The following CASZ1 variants were observed in gnomAD, a reference collection of about 807,000 sequenced individuals.
The protein encoded by CASZ1 is zinc finger protein castor homolog 1.
Under a neutral mutation model 135.2 loss-of-function variants are expected in CASZ1, and 28 were observed. The observed-to-expected ratio is 0.21, with a 90% CI of 0.15 to 0.28. The LOEUF (loss-of-function observed/expected upper bound fraction) is 0.28. Among genes scored for constraint, CASZ1 ranks in the 10% least tolerant of loss-of-function variants. The probability of loss-of-function intolerance (pLI) is 1.00; values close to 1 mark genes in which losing one functional copy is unlikely to be tolerated. For synonymous variants in CASZ1, 1,068 were observed against 1,073.4 expected (o/e 0.99, Z 0.10); for missense variants, 2,161 against 2,453.3 (o/e 0.88, Z 2.52).
At chr1:10,687,650 CT>C (rs759052154) in intron 4 of CASZ1, among the ~76,000 whole-genome samples, 4 of 152,198 alleles carry the variant, frequency 2.6e-5, no homozygotes, top group Non-Finnish European at 5.9e-5. Flanking sequence ...GTGGTGAGGT[CT>C]GCTCAGGAGG....
At position 10,755,217 on chromosome 1, in the gene CASZ1, C is replaced by T. The variant is rs763402311; in HGVS notation, c.-77+5484G>A. On this transcript the variant is annotated intron_variant, in intron 2 of 20. Transcript: ENST00000377022. This position sits in a 1 kb window ranked among gnomAD's most constrained non-coding sequence, Gnocchi z 4.3. ...CATGCCTCAGGGTGGTGGCTCTGGGCCTAAGGGCCTTCACCTGGACCAGGC... is the reference window on the plus strand; with the variant it reads ...CATGCCTCAGGGTGGTGGCTCTGGGTCTAAGGGCCTTCACCTGGACCAGGC... Among the ~76,000 whole-genome samples, 4 of 152,224 alleles carry T rather than the reference C, an allele frequency of 2.6e-5. No individual in the cohort carries two copies. Among genetic ancestry groups the T allele is most frequent in the Non-Finnish European group, 5.9e-5 (4 of 68,036 alleles).
In CASZ1 at chr1:10,659,088, C is replaced by T. The variant is rs1336596820; in HGVS notation, c.1341-512G>A. On this transcript the variant is annotated intron_variant, in intron 6 of 20. Coordinates refer to ENST00000377022, the MANE Select transcript of CASZ1 (RefSeq NM_001079843.3). ...CAGCCCCACACCATCCACTACTTGA[C>T]TACCCAGGCCGTTCCCCTGCCCATG... Among the ~76,000 whole-genome samples, 7 of 151,970 alleles carry T rather than the reference C, an allele frequency of 4.6e-5. No homozygotes were observed. The South Asian group carries it at 8.5e-4, about 18-fold the overall frequency.
Position 10,642,968 on chromosome 1 carries a change from A to C in CASZ1, c.4053T>G (p.Asp1351Glu). 6.2e-7 allele frequency: 1 copy of C among 1,613,066 alleles called. No individual in the cohort carries two copies. Reference protein sequence around the residue: ...GPPGLMDAETDECMDYTGCSP... With the variant: ...GPPGLMDAETEECMDYTGCSP... ...TGCAGCCAGTGTAGTCCATGCACTC[A>C]TCTGTCTCAGCATCCATCAGGCCTG... The change falls in exon 20 of 21, where the codon GAT becomes GAG. Residue 1351 changes from aspartate to glutamate, a missense_variant. This residue lies in a region of CASZ1 where 143 missense variants were observed against 128.3 expected (regional missense o/e 1.11). Coordinates refer to ENST00000377022, the MANE Select transcript of CASZ1 (RefSeq NM_001079843.3).
At chr1:10,684,820 G>A (rs190691988) in intron 4 of CASZ1, among the ~76,000 whole-genome samples, 33 of 152,344 alleles carry the variant, frequency 2.2e-4, no homozygotes, top group Admixed American at 1.3e-3. Flanking sequence ...GGCCTCTCAT[G>A]CCCGTGGAGG....
intron 4 of CASZ1, among the ~76,000 whole-genome samples, chr1:10,668,864 C>G (rs1396118711): frequency 6.6e-6 from 1 of 152,246 alleles, no homozygotes; most frequent in Admixed American, 6.5e-5. Context: ...GGCCACCAGG[C>G]AGATGTGGTG....
At chr1:10,791,947 A>G (rs890513027) in intron 1 of CASZ1, among the ~76,000 whole-genome samples, 1 of 152,106 alleles carries the variant, frequency 6.6e-6, no homozygotes, top group African/African-American at 2.4e-5. Flanking sequence ...CAAGGAGAAT[A>G]TGCAAACTCC....
chr1:10,749,646 C>A (rs1370350660), intron 2 of CASZ1, among the ~76,000 whole-genome samples: 1 of 152,100 alleles, frequency 6.6e-6, no homozygotes, highest in African/African-American at 2.4e-5. Context: ...AATACGGAGA[C>A]TCTTGTAGCA....
intron 2 of CASZ1, among the ~76,000 whole-genome samples, chr1:10,752,646 C>T (rs1640169631): frequency 1.3e-5 from 2 of 152,236 alleles, no homozygotes; most frequent in South Asian, 4.1e-4. Context: ...GAGGTCCCAG[C>T]TGCCCTGGAG....
At chr1:10,678,446 G>C (rs989058156) in intron 4 of CASZ1, among the ~76,000 whole-genome samples, 6 of 152,012 alleles carry the variant, frequency 3.9e-5, no homozygotes, top group Admixed American at 1.3e-4. Context: ...GTTCCAGAGT[G>C]GGGCAGAGCC....
rs146712403 is a variant in CASZ1 at position 10,756,030 on chromosome 1, G to A, written c.-77+4671C>T. Among the ~76,000 whole-genome samples, 651 of 152,182 alleles carry A rather than the reference G, an allele frequency of 4.3e-3. 2 individuals carry two copies. The highest frequency in any genetic ancestry group is 5.3e-3 in the Non-Finnish European group (357 of 67,992). ...CTCCCACGCGTGCACAGATGCACACGCCTCCCACCCGGACACACCCTCCCC... is the reference window on the plus strand; with the variant it reads ...CTCCCACGCGTGCACAGATGCACACACCTCCCACCCGGACACACCCTCCCC... On this transcript the variant is annotated intron_variant, in intron 2 of 20. Coordinates refer to ENST00000377022, the MANE Select transcript of CASZ1 (RefSeq NM_001079843.3). This position sits in a 1 kb window ranked among gnomAD's most constrained non-coding sequence, Gnocchi z 5.9.
At position 10,665,562 on chromosome 1, in the gene CASZ1, G is replaced by A. The variant is rs373231180; in HGVS notation, c.26C>T (p.Thr9Ile). The A allele has an allele frequency of 1.9e-6, 3 of 1,561,878 alleles. No homozygotes were observed. The highest frequency in any genetic ancestry group is 1.8e-4 in the Middle Eastern group (1 of 5,626). The change falls in exon 5 of 21, where the codon ACC (threonine) becomes ATC (isoleucine). Residue 9 changes from threonine to isoleucine, a missense_variant. This residue lies in a region of CASZ1 where 590 missense variants were observed against 609.8 expected (regional missense o/e 0.97). Coordinates refer to ENST00000377022, the MANE Select transcript of CASZ1 (RefSeq NM_001079843.3). The part of the protein sequence containing the change: MDLGTAEG[T>I]RCTDPPAGKP... ...GCCTGCAGGCGGGTCCGTGCACCGG[G>A]TGCCCTCAGCTGCAGGGATGGAGGA...
intron 1 of CASZ1, among the ~76,000 whole-genome samples, chr1:10,773,439 T>C (rs1463316302): frequency 6.6e-6 from 1 of 151,260 alleles, no homozygotes; most frequent in African/African-American, 2.4e-5. Flanking sequence ...AGGGATTGGA[T>C]GGGTGGCAGC....
At chr1:10,743,394 T>TG (rs1231278209) in intron 2 of CASZ1, among the ~76,000 whole-genome samples, 5 of 141,718 alleles carry the variant, frequency 3.5e-5, no homozygotes, top group Non-Finnish European at 3.2e-5. Flanking sequence ...CATCGGTTCA[T>TG]GGGGAGAAAG....
intron 1 of CASZ1, among the ~76,000 whole-genome samples, chr1:10,780,838 T>C (rs1640750535): frequency 6.6e-6 from 1 of 152,240 alleles, no homozygotes; most frequent in Non-Finnish European, 1.5e-5. Flanking sequence ...CCTCATTTCC[T>C]GCCAGGTACA....
In CASZ1 at chr1:10,720,874, C is replaced by T. The variant is rs1032462614; in HGVS notation, c.-76-15330G>A. ...AGGGGAGAGGCAGGCATGGGTGCCG[C>T]GTGGGCCCAGCCAAGGGCTCCAGGA... On this transcript the variant is annotated intron_variant, in intron 2 of 20. Transcript: ENST00000377022. The surrounding 1 kb of genome is among the most constrained non-coding windows in gnomAD (Gnocchi z 5.7). Among the ~76,000 whole-genome samples, 7 of 152,136 alleles carry T rather than the reference C, an allele frequency of 4.6e-5. No homozygotes were observed. The highest frequency in any genetic ancestry group is 1.9e-4 in the East Asian group (1 of 5,176).
intron 1 of CASZ1, among the ~76,000 whole-genome samples, chr1:10,783,253 G>T (rs1159722507): frequency 2.9e-5 from 4 of 139,300 alleles, no homozygotes; most frequent in Non-Finnish European, 4.5e-5. Flanking sequence ...AGAAGTGTGT[G>T]TGTGTGTGTG....
At chr1:10,693,796 G>C in intron 4 of CASZ1, 78 bp downstream of exon 4, 2 of 782,772 alleles carry the variant, frequency 2.6e-6, no homozygotes, top group Non-Finnish European at 4.1e-6. Context: ...CCACCTCATT[G>C]GGCTAAAAAT....
chr1:10,639,027 CCCGCCGCCT>C lies in CASZ1; in HGVS notation c.5186_5194del (p.Glu1729_Ala1731del). ...CAAGGCCGGGGTCCGCGCGCCCGCG[CCCGCCGCCT>C]CCGCCGCCGCCTCGGGCAGCGACTC... On this transcript the variant is annotated inframe_deletion, in exon 21 of 21. Transcript: ENST00000377022. This position sits in a 1 kb window ranked among gnomAD's most constrained non-coding sequence, Gnocchi z 4.0. 2 of 1,025,418 alleles carry C rather than the reference CCCGCCGCCT, an allele frequency of 2.0e-6. No individual in the cohort carries two copies. Among genetic ancestry groups the C allele is most frequent in the East Asian group, 1.0e-4 (1 of 9,534 alleles). 63.5% of individuals were successfully genotyped at this position (1,025,418 alleles called of 1,614,324 possible).
intron 2 of CASZ1, among the ~76,000 whole-genome samples, chr1:10,750,116 G>C (rs574288513): frequency 1.3e-5 from 2 of 152,134 alleles, no homozygotes; most frequent in Admixed American, 6.5e-5. Context: ...CAGAGCCATG[G>C]CTCTGAGAAA....
Sources: allele counts gnomAD v4.1 joint callset (sites outside exome capture counted in the v4.1 genomes callset), GRCh38; gene constraint gnomAD v4.1.1; regional missense constraint gnomAD v4.1.1; non-coding constraint Gnocchi (gnomAD v3.1); transcripts MANE v1.5; gene names NCBI Gene and HGNC (gene_info 2026-07-23, HGNC 2026-07-21).